SS18L1: variants seen among roughly 807,000 people sequenced by gnomAD.
The protein encoded by SS18L1 is SS18L1 subunit of BAF chromatin remodeling complex.
SS18L1 carries 32 observed loss-of-function variants against 70.3 expected under a neutral mutation model. That is an observed-to-expected ratio of 0.46 (90% CI 0.34 to 0.61). The LOEUF (loss-of-function observed/expected upper bound fraction) is 0.61, where lower values mean the gene tolerates loss of function less well. Ranked by LOEUF, SS18L1 falls within the 20% of genes least tolerant of loss-of-function variation. The pLI, the probability that SS18L1 is intolerant of heterozygous loss-of-function variation, is 0.01. For synonymous variants in SS18L1, 237 were observed against 229.7 expected, an observed-to-expected ratio of 1.03 and a Z score of -0.29; for missense variants, 430 against 542.1, an observed-to-expected ratio of 0.79 and a Z score of 2.05.
At chr20:62,165,835 G>T (rs1256136923) in intron 8 of SS18L1, among the ~76,000 whole-genome samples, 1 of 152,226 alleles carries the variant, frequency 6.6e-6, no homozygotes, top group African/African-American at 2.4e-5. Context: ...CCATGCTGGG[G>T]TTGGGGACAC....
In SS18L1 at chr20:62,143,806, C is replaced by G. The variant is rs762381516; in HGVS notation, c.-15C>G. On this transcript the variant is annotated 5_prime_UTR_variant, in exon 1 of 11. Coordinates refer to ENST00000331758, the MANE Select transcript of SS18L1 (RefSeq NM_198935.3). ...TCCACCTCGATGACCACGGGCTGAGCCCCGCGCCGCCACCATGTCCGTGGC... is the reference window on the plus strand; with the variant it reads ...TCCACCTCGATGACCACGGGCTGAGGCCCGCGCCGCCACCATGTCCGTGGC... The G allele has an allele frequency of 7.4e-7, 1 of 1,354,518 alleles. No homozygotes were observed. 83.9% of individuals were successfully genotyped at this position (1,354,518 alleles called of 1,614,324 possible).
chr20:62,144,117 G>T (rs2056975816), intron 1 of SS18L1, among the ~76,000 whole-genome samples: 1 of 150,602 alleles, frequency 6.6e-6, no homozygotes, highest in Non-Finnish European at 1.5e-5. Flanking sequence ...CGCCAACTTT[G>T]TTGGGGCGCG....
At chr20:62,175,258 A>G (rs1199734797) in intron 10 of SS18L1, 1 of 985,330 alleles carries the variant, frequency 1.0e-6, no homozygotes, top group Admixed American at 6.1e-5. Flanking sequence ...AAGATGGAAG[A>G]GCGGGAGCTC....
Position 62,149,118 on chromosome 20 carries a change from C to T in SS18L1, c.69+5229C>T, listed in dbSNP as rs779578310. On this transcript the variant is annotated intron_variant, in intron 1 of 10. Transcript: ENST00000331758. The stretch of plus-strand genomic sequence containing the variant: ...TGTGCTTGGAGTCAGAAGACAGATT[C>T]CCTGGAATCCCCGGGCTGCAGGTGG... 2.6e-4 allele frequency among the ~76,000 whole-genome samples: 39 copies of T among 152,214 alleles called. 1 individual carries two copies. Among genetic ancestry groups the T allele is most frequent in the Non-Finnish European group, 5.1e-4 (35 of 68,044 alleles).
chr20:62,152,453 CA>C (rs1274019218), intron 1 of SS18L1, among the ~76,000 whole-genome samples: 1 of 152,184 alleles, frequency 6.6e-6, no homozygotes, highest in African/African-American at 2.4e-5. Flanking sequence ...CCACCAGCTT[CA>C]GTGCTTTCCC....
At chr20:62,168,860 T>G (rs2057480032) in intron 8 of SS18L1, among the ~76,000 whole-genome samples, 1 of 152,096 alleles carries the variant, frequency 6.6e-6, no homozygotes, top group East Asian at 1.9e-4. Flanking sequence ...CACAGCAGGA[T>G]GAGTGGGACA....
chr20:62,148,152 G>C (rs892379210), intron 1 of SS18L1, among the ~76,000 whole-genome samples: 1 of 152,246 alleles, frequency 6.6e-6, no homozygotes, highest in Non-Finnish European at 1.5e-5. Context: ...GCAGGGATAG[G>C]GGGGTTGGGT....
chr20:62,172,371 A>C (rs919408338), intron 8 of SS18L1, among the ~76,000 whole-genome samples: 2 of 152,060 alleles, frequency 1.3e-5, no homozygotes, highest in East Asian at 3.9e-4. Context: ...CCTATGTCCA[A>C]ATAAGGTTCC....
chr20:62,150,266 G>C (rs1420445633), intron 1 of SS18L1, among the ~76,000 whole-genome samples: 2 of 152,256 alleles, frequency 1.3e-5, no homozygotes, highest in African/African-American at 4.8e-5. Context: ...TGTAGTATCG[G>C]CTTGCTGACC....
At chr20:62,172,639 C>A in intron 8 of SS18L1, 43 bp from the exon 9 acceptor site, 2 of 1,613,598 alleles carry the variant, frequency 1.2e-6, no homozygotes, top group East Asian at 4.5e-5. Context: ...GCCCCCTTAG[C>A]CCAGGTGGGG....
intron 1 of SS18L1, among the ~76,000 whole-genome samples, chr20:62,155,985 A>T (rs1053578618): frequency 7.4e-6 from 1 of 135,932 alleles, no homozygotes; most frequent in East Asian, 2.5e-4. Flanking sequence ...TCAAGTGGGT[A>T]TGTGTCTAAC....
chr20:62,169,454 T>C (rs1293540003), intron 8 of SS18L1, among the ~76,000 whole-genome samples: 1 of 152,162 alleles, frequency 6.6e-6, no homozygotes, highest in African/African-American at 2.4e-5. Flanking sequence ...TTGAATCATG[T>C]AGATGTATTG....
At chr20:62,155,521 G>A (rs1300887729) in intron 1 of SS18L1, among the ~76,000 whole-genome samples, 1 of 152,194 alleles carries the variant, frequency 6.6e-6, no homozygotes, top group East Asian at 1.9e-4. Context: ...GGTGGGGGCC[G>A]CACCGCTGTG....
chr20:62,146,969 G>A (rs1334105109), intron 1 of SS18L1, among the ~76,000 whole-genome samples: 1 of 151,982 alleles, frequency 6.6e-6, no homozygotes, highest in Admixed American at 6.6e-5. Flanking sequence ...CTGGTTTTAG[G>A]GCCTACCTTA....
rs1411432235 is a variant in SS18L1 at position 62,174,409 on chromosome 20, G to T, written c.1037-108G>T. On this transcript the variant is annotated intron_variant, in intron 9 of 10. Transcript: ENST00000331758. The surrounding 1 kb of genome is among the most constrained non-coding windows in gnomAD (Gnocchi z 4.1). Reference sequence around the variant, plus strand: ...ACAAAAGGCTGATGCATTGAGACGGGAATTTTTCAAGGAGAAGAGGAAGTT... The same window carrying T: ...ACAAAAGGCTGATGCATTGAGACGGTAATTTTTCAAGGAGAAGAGGAAGTT... 6.7e-6 allele frequency: 10 copies of T among 1,488,788 alleles called. No homozygotes were observed. The highest frequency in any genetic ancestry group is 8.9e-6 in the Non-Finnish European group (10 of 1,121,666). 92.2% of individuals were successfully genotyped at this position (1,488,788 alleles called of 1,614,324 possible). A position where few individuals can be genotyped will look rare whatever the true frequency, so the allele number is the denominator to read the frequency against.
At chr20:62,151,263 G>A (rs1225109303) in intron 1 of SS18L1, among the ~76,000 whole-genome samples, 2 of 152,304 alleles carry the variant, frequency 1.3e-5, no homozygotes, top group Admixed American at 6.5e-5. Context: ...GGACCCCACG[G>A]TGGGGCTTCA....
At position 62,148,032 on chromosome 20, in the gene SS18L1, G is replaced by A. The variant is rs565059657; in HGVS notation, c.69+4143G>A. Among the ~76,000 whole-genome samples the A allele has an allele frequency of 1.5e-3, 223 of 152,338 alleles. 1 individual carries two copies. The highest frequency in any genetic ancestry group is 5.2e-3 in the African/African-American group (218 of 41,576). Reference sequence around the variant, plus strand: ...GTTAAAGCTGTCCAGTGACTGAATGGCTTGGGGATGCCGAGCCTCCCTTGC... The same window carrying A: ...GTTAAAGCTGTCCAGTGACTGAATGACTTGGGGATGCCGAGCCTCCCTTGC... On this transcript the variant is annotated intron_variant, in intron 1 of 10. Coordinates refer to ENST00000331758, the MANE Select transcript of SS18L1 (RefSeq NM_198935.3).
In SS18L1 at chr20:62,180,171, C is replaced by T. The variant is rs1040147040; in HGVS notation, c.*963C>T. 3 of 207,878 alleles carry T rather than the reference C, an allele frequency of 1.4e-5. No homozygotes were observed. Among genetic ancestry groups the T allele is most frequent in the Non-Finnish European group, 2.9e-5 (3 of 102,236 alleles). The allele number at this position is 207,878 out of a possible 1,614,324, so 12.9% of individuals were successfully genotyped here. On this transcript the variant is annotated 3_prime_UTR_variant, in exon 11 of 11. Transcript: ENST00000331758. Reference sequence around the variant, plus strand: ...TTATTTTATATTATTTCTTCCAGGACCTACTTGCTCAGATCTCCAAGCAAG... The same window carrying T: ...TTATTTTATATTATTTCTTCCAGGATCTACTTGCTCAGATCTCCAAGCAAG...
At chr20:62,147,624 G>A (rs2057055040) in intron 1 of SS18L1, among the ~76,000 whole-genome samples, 1 of 152,168 alleles carries the variant, frequency 6.6e-6, no homozygotes, top group South Asian at 2.1e-4. Flanking sequence ...TGTCTGCTGG[G>A]TGTCTGGATC....
Sources: gnomAD v4.1 joint callset for allele counts (sites outside exome capture counted in the v4.1 genomes callset) on GRCh38, gnomAD v4.1.1 for gene constraint, Gnocchi (gnomAD v3.1) non-coding constraint, MANE v1.5 for transcripts, NCBI Gene and HGNC (gene_info 2026-07-23, HGNC 2026-07-21) for gene names.